RBP2: variants seen among roughly 807,000 people sequenced by gnomAD.
RBP2 encodes retinol-binding protein 2.
In RBP2, 17 loss-of-function variants were observed where a neutral mutation model predicts 17.0. The observed-to-expected ratio is 1.00, with a 90% confidence interval of 0.68 to 1.50. The LOEUF is 1.50. Ranked by LOEUF, RBP2 falls within the 40% of genes most tolerant of loss-of-function variation. The pLI, the probability that RBP2 is intolerant of heterozygous loss-of-function variation, is 0.00. For missense variants in RBP2, 158 were observed against 168.2 expected, an observed-to-expected ratio of 0.94 and a Z score of 0.33; for synonymous variants, 48 against 57.1, an observed-to-expected ratio of 0.84 and a Z score of 0.72.
intron 1 of RBP2, among the ~76,000 whole-genome samples, chr3:139,465,782 G>A (rs1933338069): frequency 6.6e-6 from 1 of 152,168 alleles, no homozygotes; most frequent in African/African-American, 2.4e-5. Context: ...GCCCAGGGCT[G>A]TATAATAAGT....
At chr3:139,468,977 A>ATTT (rs1933457162) in intron 1 of RBP2, among the ~76,000 whole-genome samples, 1 of 152,216 alleles carries the variant, frequency 6.6e-6, no homozygotes, top group Non-Finnish European at 1.5e-5. Flanking sequence ...TTTGAACAAT[A>ATTT]CAAGCCATAA....
chr3:139,452,924 T>C lies in RBP2; in HGVS notation c.*192A>G. ...TATGGGAGTAATTTTTGTTTTTCCA[T>C]TTAATGCTAGGTTTCAAAGGAGGGG... On this transcript the variant is annotated 3_prime_UTR_variant, in exon 4 of 4. Transcript: ENST00000232217. 2 of 602,248 alleles carry C rather than the reference T, an allele frequency of 3.3e-6. No homozygotes were observed. Among genetic ancestry groups the C allele is most frequent in the Non-Finnish European group, 5.8e-6 (2 of 343,242 alleles). The allele number at this position is 602,248 out of a possible 1,614,324, so 37.3% of individuals were successfully genotyped here.
intron 1 of RBP2, among the ~76,000 whole-genome samples, chr3:139,463,794 T>C (rs1017504400): frequency 1.3e-5 from 2 of 152,196 alleles, no homozygotes; most frequent in Non-Finnish European, 2.9e-5. Context: ...CAAATATCTT[T>C]AGATGCCAAT....
chr3:139,461,510 A>G (rs1576422630), intron 2 of RBP2, among the ~76,000 whole-genome samples: 1 of 151,072 alleles, frequency 6.6e-6, no homozygotes, highest in East Asian at 2.0e-4. Flanking sequence ...TTAGGGCTGG[A>G]TAAATCTTGA....
chr3:139,469,989 C>T (rs952710873), intron 1 of RBP2, among the ~76,000 whole-genome samples: 1 of 152,194 alleles, frequency 6.6e-6, no homozygotes, highest in Non-Finnish European at 1.5e-5. Context: ...ATAAGTCTCT[C>T]CACTTCTCTG....
intron 1 of RBP2, among the ~76,000 whole-genome samples, chr3:139,473,451 C>T (rs1933627804): frequency 6.6e-6 from 1 of 152,174 alleles, no homozygotes; most frequent in South Asian, 2.1e-4. Flanking sequence ...AGCAAACTCT[C>T]TAGTGCTAGG....
At chr3:139,475,165 A>G (rs1358418699) in intron 1 of RBP2, among the ~76,000 whole-genome samples, 1 of 151,694 alleles carries the variant, frequency 6.6e-6, no homozygotes, top group Non-Finnish European at 1.5e-5. Context: ...TTAAAAATAC[A>G]AAAAATTAGC....
chr3:139,458,327 G>A (rs560358259), intron 2 of RBP2, among the ~76,000 whole-genome samples: 1 of 152,152 alleles, frequency 6.6e-6, no homozygotes, highest in South Asian at 2.1e-4. Context: ...CTCTGGCAGC[G>A]CCTGTCTGCC....
intron 1 of RBP2, among the ~76,000 whole-genome samples, chr3:139,471,882 T>C (rs1933581621): frequency 6.6e-6 from 1 of 152,190 alleles, no homozygotes; most frequent in Non-Finnish European, 1.5e-5. Flanking sequence ...TCTGTTAGAG[T>C]GAGCATTGAT....
chr3:139,467,825 A>G (rs543253663), intron 1 of RBP2, among the ~76,000 whole-genome samples: 1 of 152,142 alleles, frequency 6.6e-6, no homozygotes, highest in African/African-American at 2.4e-5. Context: ...CCACAGGAGA[A>G]GTGGGAATGG....
Position 139,462,242 on chromosome 3 carries a change from T to G in RBP2, c.122A>C (p.Lys41Thr). The G allele has an allele frequency of 6.2e-7, 1 of 1,614,200 alleles. No individual in the cohort carries two copies. The highest frequency in any genetic ancestry group is 8.5e-7 in the Non-Finnish European group (1 of 1,180,024). ...RKIAVRLTQT[K>T]VIDQDGDNFK... ...GTTATCACCATCTTGATCAATAACC[T>G]TCGTCTGAGTGAGACGTACTGCAAT... Residue 41 changes from lysine (K) to threonine (T), a missense_variant, in exon 2 of 4, where the codon AAG becomes ACG. Lys to Thr is a moderately conservative substitution (Grantham distance 78). Transcript: ENST00000232217.
chr3:139,473,338 G>A (rs953648737), intron 1 of RBP2, among the ~76,000 whole-genome samples: 3 of 152,206 alleles, frequency 2.0e-5, no homozygotes, highest in Non-Finnish European at 4.4e-5. Context: ...CCAGTGTGTG[G>A]AGTGGGTCAC....
At chr3:139,456,278 G>A (rs115267221) in intron 2 of RBP2, among the ~76,000 whole-genome samples, 2 of 152,078 alleles carry the variant, frequency 1.3e-5, no homozygotes, top group Admixed American at 6.5e-5. Flanking sequence ...CAGTGTCCTT[G>A]TACATTTGGG....
chr3:139,454,791 G>A lies in RBP2; in HGVS notation c.292C>T (p.Gln98Ter), dbSNP rs1321848410. ...TWEGDVLVCV[Q>*]KGEKENRGWK... Reference sequence around the variant, plus strand: ...CCGCGGTTCTCCTTCTCCCCCTTTTGCACACACACAAGGACATCACCTTCC... The same window carrying A: ...CCGCGGTTCTCCTTCTCCCCCTTTTACACACACACAAGGACATCACCTTCC... The change falls in exon 3 of 4, where the codon CAA (glutamine) becomes TAA (stop). Residue 98 changes from glutamine (Q) to a stop codon, truncating the protein, a stop_gained. Coordinates refer to ENST00000232217, the MANE Select transcript of RBP2 (RefSeq NM_004164.3). LOFTEE classifies it high-confidence loss of function. 19 of 1,614,102 alleles carry A rather than the reference G, an allele frequency of 1.2e-5. No individual in the cohort carries two copies. The highest frequency in any genetic ancestry group is 1.6e-5 in the Non-Finnish European group (19 of 1,180,014).
chr3:139,455,830 GCT>G (rs1298581453), intron 2 of RBP2, among the ~76,000 whole-genome samples: 1 of 152,224 alleles, frequency 6.6e-6, no homozygotes, highest in Non-Finnish European at 1.5e-5. Context: ...CAGAACATGT[GCT>G]GAACAGCCAG....
At chr3:139,455,720 C>T (rs574950762) in intron 2 of RBP2, among the ~76,000 whole-genome samples, 1 of 152,160 alleles carries the variant, frequency 6.6e-6, no homozygotes, top group Non-Finnish European at 1.5e-5. Context: ...CAGATGGCTC[C>T]AGTACCTGCC....
chr3:139,473,943 C>T (rs549524897), intron 1 of RBP2, among the ~76,000 whole-genome samples: 1 of 152,324 alleles, frequency 6.6e-6, no homozygotes, highest in South Asian at 2.1e-4. Context: ...CAGGCACCAA[C>T]AGATTCCCAC....
At chr3:139,474,429 C>T (rs1241713936) in intron 1 of RBP2, among the ~76,000 whole-genome samples, 1 of 152,182 alleles carries the variant, frequency 6.6e-6, no homozygotes, top group African/African-American at 2.4e-5. Context: ...GAGCCATAAA[C>T]TAAACAGAGC....
intron 1 of RBP2, among the ~76,000 whole-genome samples, chr3:139,469,038 T>G (rs1428333744): frequency 1.3e-5 from 2 of 152,182 alleles, no homozygotes; most frequent in Non-Finnish European, 2.9e-5. Flanking sequence ...GTAATGTGCT[T>G]ATGAAAAAAG....
Sources: allele counts gnomAD v4.1 joint callset (sites outside exome capture counted in the v4.1 genomes callset), GRCh38; gene constraint gnomAD v4.1.1; transcripts MANE v1.5; gene names NCBI Gene and HGNC (gene_info 2026-07-23, HGNC 2026-07-21).